The following STARD9 variants were observed in gnomAD, a reference collection of about 807,000 sequenced individuals.
STARD9 encodes the protein stAR-related lipid transfer protein 9.
STARD9 carries 346 observed loss-of-function variants against 399.8 expected under a neutral mutation model. The observed-to-expected ratio is 0.87, with a 90% CI of 0.79 to 0.95. The LOEUF (loss-of-function observed/expected upper bound fraction) is 0.95. Ranked by LOEUF, STARD9 falls within the 40% of genes least tolerant of loss-of-function variation. The pLI is 0.00. For synonymous variants in STARD9, 2,203 were observed against 2,143.5 expected (o/e 1.03, Z -0.77); for missense variants, 5,832 against 5,667.5 (o/e 1.03, Z -0.93).
In STARD9 at chr15:42,718,188, A is replaced by G. The variant is rs1232972036; in HGVS notation, c.13762+9A>G. 1 of 1,534,840 alleles carries G rather than the reference A, an allele frequency of 6.5e-7. No homozygotes were observed. The highest frequency in any genetic ancestry group is 8.7e-7 in the Non-Finnish European group (1 of 1,145,578). ...CAACAGCATCAGCCTGGGTGAGCCC[A>G]GGGAAGGAAGGCTTCCATGGGGCCT... On this transcript the variant is annotated intron_variant, in intron 30 of 32. Coordinates refer to ENST00000290607, the MANE Select transcript of STARD9 (RefSeq NM_020759.3).
At chr15:42,611,879 A>G (rs2058856612) in intron 3 of STARD9, among the ~76,000 whole-genome samples, 1 of 152,224 alleles carries the variant, frequency 6.6e-6, no homozygotes, top group African/African-American at 2.4e-5. Flanking sequence ...AGAATTCAAC[A>G]GTAACTATAA....
intron 26 of STARD9, among the ~76,000 whole-genome samples, chr15:42,716,349 A>T (rs968013603): frequency 5.9e-5 from 9 of 152,020 alleles, no homozygotes; most frequent in African/African-American, 2.2e-4. Context: ...TGGTGCAGAG[A>T]GCCTCTCATG....
intron 3 of STARD9, among the ~76,000 whole-genome samples, chr15:42,630,994 T>A (rs1023783993): frequency 3.3e-5 from 5 of 151,598 alleles, no homozygotes; most frequent in African/African-American, 9.7e-5. Context: ...TTTTTTTTTT[T>A]AATTAAAAAA....
Position 42,694,175 on chromosome 15 carries a change from G to C in STARD9, c.12597G>C (p.Leu4199=). Residue 4199 remains leucine (L), a synonymous_variant, in exon 23 of 33, where the codon CTG becomes CTC. Coordinates refer to ENST00000290607, the MANE Select transcript of STARD9 (RefSeq NM_020759.3). ...SEWSKREQIP[L]QVGAQNLSLS... ...GGTCCAAGAGGGAGCAGATCCCCCTGCAAGTTGGGGCCCAGAACCTCTCAC... is the reference window on the plus strand; with the variant it reads ...GGTCCAAGAGGGAGCAGATCCCCCTCCAAGTTGGGGCCCAGAACCTCTCAC... 1.3e-6 allele frequency: 2 copies of C among 1,535,296 alleles called. No homozygotes were observed. Among genetic ancestry groups the C allele is most frequent in the Non-Finnish European group, 1.7e-6 (2 of 1,146,044 alleles).
At chr15:42,650,242 T>C (rs1198270782) in intron 7 of STARD9, among the ~76,000 whole-genome samples, 1 of 152,190 alleles carries the variant, frequency 6.6e-6, no homozygotes, top group African/African-American at 2.4e-5. Context: ...CTATTATTTT[T>C]GTTGGTTTCA....
At chr15:42,718,934 C>T in intron 32 of STARD9, 24 bp downstream of exon 32, 2 of 1,535,368 alleles carry the variant, frequency 1.3e-6, no homozygotes, top group Non-Finnish European at 1.7e-6. Flanking sequence ...TGCAGCTGGC[C>T]TCACAGCACA....
intron 3 of STARD9, among the ~76,000 whole-genome samples, chr15:42,586,890 T>A (rs1460128577): frequency 6.6e-6 from 1 of 152,022 alleles, no homozygotes. Flanking sequence ...GATCTTGTTC[T>A]GTTGCCCAGG....
At position 42,665,778 on chromosome 15, in the gene STARD9, T is replaced by A. The variant is rs1272777472; in HGVS notation, c.1255-8T>A. ...AAAATATCAAAGCACATCTCTATCT[T>A]TGTGCAGAGAAACTTCAGTTCATTG... On this transcript the variant is annotated splice_region_variant and splice_polypyrimidine_tract_variant and intron_variant, in intron 14 of 32. Transcript: ENST00000290607. The A allele has an allele frequency of 1.3e-6, 2 of 1,536,582 alleles. No homozygotes were observed. The highest frequency in any genetic ancestry group is 2.7e-5 in the African/African-American group (2 of 73,020).
At chr15:42,712,678 A>G (rs1400533234) in intron 26 of STARD9, among the ~76,000 whole-genome samples, 2 of 152,132 alleles carry the variant, frequency 1.3e-5, no homozygotes, top group African/African-American at 4.8e-5. Flanking sequence ...TGATCTACAT[A>G]TCTATCCTTA....
Position 42,692,316 on chromosome 15 carries a change from C to T in STARD9, c.10738C>T (p.Pro3580Ser), listed in dbSNP as rs1026432415. The part of the protein sequence containing the change: ...HIPTSPEGVA[P>S]TSGHDRRPQF... ...CCCGACGAGCCCTGAAGGAGTAGCC[C>T]CCACTTCGGGTCATGACAGAAGGCC... Residue 3580 changes from proline (P) to serine (S), a missense_variant, in exon 23 of 33, where the codon CCC (proline) becomes TCC (serine). Transcript: ENST00000290607. 4 of 1,536,874 alleles carry T rather than the reference C, an allele frequency of 2.6e-6. No homozygotes were observed. The African/African-American group carries it at 5.5e-5, about 21-fold the overall frequency.
At chr15:42,652,312 C>T (rs977752153) in intron 8 of STARD9, among the ~76,000 whole-genome samples, 12 of 152,040 alleles carry the variant, frequency 7.9e-5, no homozygotes, top group African/African-American at 1.4e-4. Context: ...TGAAGCTACA[C>T]TCCGTTTTAT....
At position 42,684,469 on chromosome 15, in the gene STARD9, A is replaced by G. The variant is rs1273274607; in HGVS notation, c.2891A>G (p.Glu964Gly). 6.5e-7 allele frequency: 1 copy of G among 1,537,236 alleles called. No individual in the cohort carries two copies. The change falls in exon 23 of 33, where the codon GAG (glutamate) becomes GGG (glycine). Residue 964 changes from glutamate to glycine, a missense_variant. By Grantham distance (98) the Glu-to-Gly change is moderately conservative. Transcript: ENST00000290607. ...KSANKLKPRH[E>G]PKIFTSTTQT... ...GCTAACAAACTAAAGCCAAGGCATG[A>G]GCCAAAGATCTTCACCTCTACTACC...
chr15:42,683,779 T>A (rs2060485280), intron 22 of STARD9, among the ~76,000 whole-genome samples: 1 of 152,276 alleles, frequency 6.6e-6, no homozygotes, highest in Non-Finnish European at 1.5e-5. Context: ...CTGTAGAATA[T>A]GTATCACTCT....
intron 3 of STARD9, among the ~76,000 whole-genome samples, chr15:42,603,011 C>T (rs78366241): frequency 0.11 from 16,067 of 152,142 alleles, 1,060 homozygotes; most frequent in Non-Finnish European, 0.15. Flanking sequence ...CTGCTACTTG[C>T]TGCTCTTTCT....
In STARD9 at chr15:42,695,744, A is replaced by G; in HGVS notation, c.13148A>G (p.Glu4383Gly). The change falls in exon 26 of 33, where the codon GAA becomes GGA. Residue 4383 changes from glutamate to glycine, a missense_variant and splice_region_variant. Physicochemically the swap from Glu to Gly is moderately conservative, Grantham distance 98 (BLOSUM62 -2). Transcript: ENST00000290607. Reference protein sequence around the residue: ...HQKIISQLLKEEDKLHTLANS... With the variant: ...HQKIISQLLKGEDKLHTLANS... ...TTAATGGTGATTTGTCCTTCCCAGG[A>G]AGAGGATAAACTACATACCTTGGCC... 1 of 1,536,914 alleles carries G rather than the reference A, an allele frequency of 6.5e-7. No homozygotes were observed. Among genetic ancestry groups the G allele is most frequent in the African/African-American group, 1.4e-5 (1 of 73,170 alleles).
Position 42,663,832 on chromosome 15 carries a change from C to T in STARD9, c.1091C>T (p.Ala364Val), listed in dbSNP as rs2060036673. 6.5e-7 allele frequency: 1 copy of T among 1,536,120 alleles called. No homozygotes were observed. The highest frequency in any genetic ancestry group is 8.7e-7 in the Non-Finnish European group (1 of 1,145,978). ...KTIMVATVSPAHTSYSETMST... is the reference protein window; with the variant it reads ...KTIMVATVSPVHTSYSETMST... ...CCTTCTACCTCAGCGGTGTCTCCTGCACACACTAGCTACAGTGAGACCATG... is the reference window on the plus strand; with the variant it reads ...CCTTCTACCTCAGCGGTGTCTCCTGTACACACTAGCTACAGTGAGACCATG... Residue 364 changes from alanine (A) to valine (V), a missense_variant, in exon 13 of 33, where the codon GCA becomes GTA. By Grantham distance (64) the Ala-to-Val change is moderately conservative. Around this residue, in one of 2 missense-constraint regions of STARD9, gnomAD observed 5,828 missense variants for 5,651.1 expected, o/e 1.03. Transcript: ENST00000290607.
intron 26 of STARD9, among the ~76,000 whole-genome samples, chr15:42,711,471 A>G (rs906201055): frequency 1.3e-5 from 2 of 152,206 alleles, no homozygotes; most frequent in African/African-American, 2.4e-5. Flanking sequence ...GACATTAGTC[A>G]TTGGATTTAG....
In STARD9 at chr15:42,691,261, AG is replaced by A; in HGVS notation, c.9686del (p.Gly3229ValfsTer2). 1 of 1,537,266 alleles carries A rather than the reference AG, an allele frequency of 6.5e-7. No homozygotes were observed. Among genetic ancestry groups the A allele is most frequent in the Non-Finnish European group, 8.7e-7 (1 of 1,146,894 alleles). ...TCAGGTGGTGGAGAAGGCTTCGCCC[AG>A]GGTGTGAATCCCCTTCCTGATGAAG... ...QASGGGEGFA[Q>X]GVNPLPDEDG... is the part of the protein sequence containing the mutation. On this transcript the variant is annotated frameshift_variant, in exon 23 of 33. Transcript: ENST00000290607. LOFTEE classifies it high-confidence loss of function.
In STARD9 at chr15:42,716,678, G is replaced by A. The variant is rs911141204; in HGVS notation, c.13286G>A (p.Gly4429Glu). ...SGQLQFPENM[G>E]HTNLPDSRDV... Reference sequence around the variant, plus strand: ...TCCTGAGTATCCTCTCTTCTGCAGGGGCATACAAACTTGCCTGATTCCAGG... The same window carrying A: ...TCCTGAGTATCCTCTCTTCTGCAGGAGCATACAAACTTGCCTGATTCCAGG... The change falls in exon 27 of 33, where the codon GGG becomes GAG. Residue 4429 changes from glycine to glutamate, a missense_variant and splice_region_variant. This residue lies in a region of STARD9 where 5,828 missense variants were observed against 5,651.1 expected (regional missense o/e 1.03). Coordinates refer to ENST00000290607, the MANE Select transcript of STARD9 (RefSeq NM_020759.3). The A allele has an allele frequency of 6.5e-7, 1 of 1,530,412 alleles. No homozygotes were observed. Among genetic ancestry groups the A allele is most frequent in the South Asian group, 1.2e-5 (1 of 83,938 alleles). 94.8% of individuals were successfully genotyped at this position (1,530,412 alleles called of 1,614,324 possible). A position where few individuals can be genotyped will look rare whatever the true frequency, so the allele number is the denominator to read the frequency against.
Sources: gnomAD v4.1 joint callset for allele counts (sites outside exome capture counted in the v4.1 genomes callset) on GRCh38, gnomAD v4.1.1 for gene constraint, gnomAD v4.1.1 regional missense constraint, MANE v1.5 for transcripts, NCBI Gene and HGNC (gene_info 2026-07-23, HGNC 2026-07-21) for gene names.